Variants in RBPMS observed in about 807,000 individuals in gnomAD.
RBPMS encodes the protein RNA binding protein, mRNA processing factor, also known as RNA-binding protein with multiple splicing.
In RBPMS, 7 loss-of-function variants were observed where a neutral mutation model predicts 26.8. The ratio of observed to expected loss-of-function variants is 0.26; its 90% CI spans 0.15 to 0.49. The LOEUF (loss-of-function observed/expected upper bound fraction) is 0.49. RBPMS is among the 20% of genes least tolerant of loss of function. The pLI is 0.98. For synonymous variants in RBPMS, 96 were observed against 93.3 expected, an observed-to-expected ratio of 1.03 and a Z score of -0.17; for missense variants, 186 against 250.0, an observed-to-expected ratio of 0.74 and a Z score of 1.73.
chr8:30,408,219 G>T (rs1050041294), intron 1 of RBPMS, among the ~76,000 whole-genome samples: 6 of 152,026 alleles, frequency 3.9e-5, no homozygotes, highest in African/African-American at 1.2e-4. Flanking sequence ...AACACGAATG[G>T]CAGATTCCTT....
chr8:30,437,111 T>C (rs1045742586), intron 1 of RBPMS, among the ~76,000 whole-genome samples: 5 of 151,450 alleles, frequency 3.3e-5, no homozygotes, highest in Non-Finnish European at 5.9e-5. Context: ...TTAGTAGAGA[T>C]GGGGTTTCAC....
At chr8:30,531,872 T>C (rs1453527492) in intron 5 of RBPMS, among the ~76,000 whole-genome samples, 2 of 152,232 alleles carry the variant, frequency 1.3e-5, no homozygotes, top group African/African-American at 4.8e-5. Context: ...CTGGAGCTGC[T>C]TGTTGTAAAT....
intron 5 of RBPMS, among the ~76,000 whole-genome samples, chr8:30,541,349 T>C (rs1479818591): frequency 6.6e-6 from 1 of 152,218 alleles, no homozygotes; most frequent in Non-Finnish European, 1.5e-5. Context: ...TTTCCAGTCC[T>C]TGTTTTTCAG....
intron 4 of RBPMS, among the ~76,000 whole-genome samples, chr8:30,500,257 T>C (rs1237311702): frequency 2.0e-5 from 3 of 152,180 alleles, no homozygotes; most frequent in Non-Finnish European, 4.4e-5. Context: ...TAAACCTTTC[T>C]GGACTTACAC....
At chr8:30,484,153 T>C (rs959633722) in intron 4 of RBPMS, among the ~76,000 whole-genome samples, 2 of 152,202 alleles carry the variant, frequency 1.3e-5, no homozygotes, top group Non-Finnish European at 2.9e-5. Context: ...TTGTTTACTT[T>C]GGTTTGTAAT....
intron 2 of RBPMS, among the ~76,000 whole-genome samples, chr8:30,476,450 A>G (rs1291954785): frequency 6.6e-6 from 1 of 152,196 alleles, no homozygotes; most frequent in Non-Finnish European, 1.5e-5. Flanking sequence ...AGAAGAGAGC[A>G]CCTTGAAGAA....
chr8:30,419,361 G>T (rs750234785), intron 1 of RBPMS, among the ~76,000 whole-genome samples: 1 of 151,990 alleles, frequency 6.6e-6, no homozygotes, highest in Non-Finnish European at 1.5e-5. Flanking sequence ...CAGGAGAATC[G>T]CTTGAAACTG....
intron 1 of RBPMS, among the ~76,000 whole-genome samples, chr8:30,452,663 A>G (rs190973927): frequency 5.0e-4 from 76 of 152,190 alleles, no homozygotes; most frequent in Admixed American, 3.7e-3. Context: ...AAGAGTGCCA[A>G]ATGGTCCTTA....
At chr8:30,543,539 A>C (rs998909757) in intron 5 of RBPMS, among the ~76,000 whole-genome samples, 4 of 152,208 alleles carry the variant, frequency 2.6e-5, no homozygotes, top group Non-Finnish European at 5.9e-5. Flanking sequence ...CGTCCTTGGC[A>C]CACTTGATTT....
intron 6 of RBPMS, among the ~76,000 whole-genome samples, chr8:30,551,068 T>C (rs1457778904): frequency 6.6e-6 from 1 of 152,204 alleles, no homozygotes; most frequent in Non-Finnish European, 1.5e-5. Flanking sequence ...TTACAGCTTG[T>C]ACTTGGGGAT....
intron 1 of RBPMS, among the ~76,000 whole-genome samples, chr8:30,464,110 G>A (rs1816241313): frequency 6.6e-6 from 1 of 152,180 alleles, no homozygotes; most frequent in Non-Finnish European, 1.5e-5. Flanking sequence ...AGCTATGATT[G>A]TGCCAGTGCA....
intron 8 of RBPMS, among the ~76,000 whole-genome samples, chr8:30,569,525 G>C (rs1241044480): frequency 6.6e-6 from 1 of 152,228 alleles, no homozygotes; most frequent in Non-Finnish European, 1.5e-5. Flanking sequence ...ACGCTCTGCT[G>C]AAAGTAGACT....
chr8:30,564,100 G>A (rs570847675), intron 7 of RBPMS: 2 of 152,272 alleles, frequency 1.3e-5, no homozygotes, highest in South Asian at 4.2e-4. Flanking sequence ...GTTGTGGTAC[G>A]GCCAGCACTT....
At chr8:30,497,559 C>T (rs571373616) in intron 4 of RBPMS, among the ~76,000 whole-genome samples, 22 of 151,990 alleles carry the variant, frequency 1.4e-4, no homozygotes, top group African/African-American at 5.1e-4. Context: ...AATGATAAAC[C>T]GGTAGAAGAC....
chr8:30,477,595 AT>A (rs529341873), intron 2 of RBPMS, among the ~76,000 whole-genome samples: 25 of 148,310 alleles, frequency 1.7e-4, no homozygotes, highest in South Asian at 1.3e-3. Flanking sequence ...CCATAGATTG[AT>A]TTTTTTTAAA....
Position 30,572,205 on chromosome 8 carries a change from G to T in RBPMS, c.*1680G>T, listed in dbSNP as rs1401228439. The T allele has an allele frequency of 6.6e-6, 1 of 152,156 alleles. No homozygotes were observed. Among genetic ancestry groups the T allele is most frequent in the African/African-American group, 2.4e-5 (1 of 41,418 alleles). The allele number at this position is 152,156 out of a possible 1,614,324, so 9.4% of individuals were successfully genotyped here. On this transcript the variant is annotated 3_prime_UTR_variant, in exon 9 of 9. Transcript: ENST00000397323. The stretch of plus-strand genomic sequence containing the variant: ...TATTATGCTTTTATAACTGTTTAAA[G>T]GTACTTTTCTATTGTCATTTTTAAA...
chr8:30,504,232 C>T (rs576653749), intron 4 of RBPMS, 54 bp from the exon 5 acceptor site: 59 of 1,600,174 alleles, frequency 3.7e-5, no homozygotes, highest in Middle Eastern at 3.3e-4. Context: ...GTCACCATTC[C>T]GGTTTGACTC....
Position 30,409,821 on chromosome 8 carries a change from C to T in RBPMS, c.66+24663C>T, listed in dbSNP as rs540928788. 2.1e-4 allele frequency among the ~76,000 whole-genome samples: 32 copies of T among 151,896 alleles called. No homozygotes were observed. In the East Asian group the frequency reaches 2.6e-3, roughly 12 times the overall value. ...CTAATTTTTGTAGTTTTAGTAGAGA[C>T]GGGGTTTCACCACGTTGGCCAGGCT... is the stretch of plus-strand genomic sequence containing the variant. On this transcript the variant is annotated intron_variant, in intron 1 of 8. Transcript: ENST00000397323.
At chr8:30,492,475 C>G (rs1819500965) in intron 4 of RBPMS, among the ~76,000 whole-genome samples, 1 of 152,064 alleles carries the variant, frequency 6.6e-6, no homozygotes, top group South Asian at 2.1e-4. Flanking sequence ...AAAAATACCC[C>G]TTTTATCTTT....
Sources: gnomAD v4.1 joint callset for allele counts (sites outside exome capture counted in the v4.1 genomes callset) on GRCh38, gnomAD v4.1.1 for gene constraint, MANE v1.5 for transcripts, NCBI Gene and HGNC (gene_info 2026-07-23, HGNC 2026-07-21) for gene names.